The following THADA variants were observed in gnomAD, a reference collection of about 807,000 sequenced individuals.
THADA encodes THADA armadillo repeat containing.
THADA carries 213 observed loss-of-function variants against 219.8 expected under a neutral mutation model. That is an observed-to-expected ratio of 0.97 (90% CI 0.87 to 1.09). The LOEUF (loss-of-function observed/expected upper bound fraction) is 1.09, where lower values mean the gene tolerates loss of function less well. Among genes scored for constraint, THADA ranks in the 50% least tolerant of loss-of-function variants. THADA has a pLI of 0.00. For missense variants in THADA, 2,956 were observed against 2,311.3 expected (o/e 1.28, Z -5.72); for synonymous variants, 1,018 against 828.9 (o/e 1.23, Z -3.92).
intron 31 of THADA, among the ~76,000 whole-genome samples, chr2:43,300,049 A>G (rs975137062): frequency 6.6e-6 from 1 of 150,446 alleles, no homozygotes; most frequent in Non-Finnish European, 1.5e-5. Flanking sequence ...AAAAAAAAAA[A>G]AGCTGACATT....
intron 29 of THADA, among the ~76,000 whole-genome samples, chr2:43,356,671 T>C (rs975694183): frequency 8.5e-5 from 13 of 152,208 alleles, no homozygotes; most frequent in African/African-American, 3.1e-4. Context: ...CCAAAGGAAA[T>C]AGCTAAGAGT....
intron 20 of THADA, among the ~76,000 whole-genome samples, chr2:43,548,915 A>T (rs1696411270): frequency 6.6e-6 from 1 of 152,100 alleles, no homozygotes. Flanking sequence ...AGTGAGATGA[A>T]CCCGGTACCT....
chr2:43,297,508 GC>G (rs1305632999), intron 31 of THADA, among the ~76,000 whole-genome samples: 3 of 95,712 alleles, frequency 3.1e-5, no homozygotes, highest in African/African-American at 1.1e-4. Flanking sequence ...TGGGCGGTCA[GC>G]CCCCCCGCCC....
intron 26 of THADA, among the ~76,000 whole-genome samples, chr2:43,479,164 G>C (rs1209385568): frequency 2.0e-5 from 3 of 152,140 alleles, no homozygotes; most frequent in African/African-American, 7.2e-5. Context: ...ACCTCTTTGA[G>C]AAAATTAACT....
chr2:43,474,774 G>A (rs1403668494), intron 26 of THADA, among the ~76,000 whole-genome samples: 1 of 152,178 alleles, frequency 6.6e-6, no homozygotes, highest in Non-Finnish European at 1.5e-5. Context: ...AAAGAAAGAT[G>A]AAGATGTCTG....
At chr2:43,502,879 A>G (rs371199715) in intron 24 of THADA, among the ~76,000 whole-genome samples, 16 of 152,272 alleles carry the variant, frequency 1.1e-4, no homozygotes, top group African/African-American at 3.4e-4. Flanking sequence ...CCTACAAAAC[A>G]AAAATGAAGG....
At chr2:43,366,078 C>T (rs1670117734) in intron 29 of THADA, among the ~76,000 whole-genome samples, 1 of 152,182 alleles carries the variant, frequency 6.6e-6, no homozygotes, top group African/African-American at 2.4e-5. Context: ...ATCTTTGTGT[C>T]ACCACTAAAC....
chr2:43,293,142 G>C lies in THADA; in HGVS notation c.4510C>G (p.Pro1504Ala). 6.2e-7 allele frequency: 1 copy of C among 1,613,916 alleles called. No individual in the cohort carries two copies. Among genetic ancestry groups the C allele is most frequent in the Non-Finnish European group, 8.5e-7 (1 of 1,179,884 alleles). Reference sequence around the variant, plus strand: ...AGGCCTGGCACCTTGAAGGCCCAAGGGAATCCCGTTATCAGCTCTGATCCT... The same window carrying C: ...AGGCCTGGCACCTTGAAGGCCCAAGCGAATCCCGTTATCAGCTCTGATCCT... ...ISGSELITGF[P>A]WAFKVPGLPQ... Residue 1504 changes from proline (P) to alanine (A), a missense_variant, in exon 32 of 38, where the codon CCT becomes GCT. Pro to Ala is a conservative substitution (Grantham distance 27). Coordinates refer to ENST00000405975, the MANE Select transcript of THADA (RefSeq NM_022065.5).
chr2:43,458,235 C>T (rs547072856), intron 26 of THADA, among the ~76,000 whole-genome samples: 3 of 152,238 alleles, frequency 2.0e-5, no homozygotes, highest in Admixed American at 2.0e-4. Flanking sequence ...GGACAGTCTG[C>T]GTCGTATGTT....
intron 25 of THADA, among the ~76,000 whole-genome samples, chr2:43,487,055 T>C (rs1429262329): frequency 6.6e-6 from 1 of 152,154 alleles, no homozygotes; most frequent in East Asian, 1.9e-4. Flanking sequence ...TTACGTTCAT[T>C]CAACAGCCAT....
chr2:43,479,802 G>A (rs866675103), intron 26 of THADA, among the ~76,000 whole-genome samples: 4 of 152,296 alleles, frequency 2.6e-5, no homozygotes, highest in Middle Eastern at 3.4e-3. Context: ...TGAGAACAGC[G>A]AGGGGCTCAT....
chr2:43,590,159 A>C (rs1701404924), intron 4 of THADA, among the ~76,000 whole-genome samples: 2 of 152,210 alleles, frequency 1.3e-5, no homozygotes, highest in South Asian at 4.1e-4. Context: ...TATTTTGTAT[A>C]GTTCTATATC....
chr2:43,346,954 C>G lies in THADA; in HGVS notation c.4228-2717G>C, dbSNP rs1226448942. On this transcript the variant is annotated intron_variant, in intron 29 of 37. Transcript: ENST00000405975. ...CGATGTTGGTGTTTGGTGCTTCTTC[C>G]TATATTCACTCCTTTAGGACACATT... is the stretch of plus-strand genomic sequence containing the variant. 2.0e-5 allele frequency among the ~76,000 whole-genome samples: 3 copies of G among 152,204 alleles called. No homozygotes were observed. In the East Asian group the frequency reaches 5.8e-4, roughly 29 times the overall value.
chr2:43,501,423 G>T (rs561705492), intron 24 of THADA, among the ~76,000 whole-genome samples: 1 of 150,792 alleles, frequency 6.6e-6, no homozygotes, highest in African/African-American at 2.4e-5. Flanking sequence ...CCATGCTCAT[G>T]GAAGATTCAA....
chr2:43,287,815 G>A (rs1674220821), intron 34 of THADA, among the ~76,000 whole-genome samples: 1 of 152,180 alleles, frequency 6.6e-6, no homozygotes, highest in Admixed American at 6.5e-5. Context: ...TTGCTTTTGG[G>A]AGTAACAGGT....
chr2:43,335,660 T>G (rs35805220), intron 30 of THADA, among the ~76,000 whole-genome samples: 30,619 of 151,930 alleles, frequency 0.2, 3,346 homozygotes, highest in Middle Eastern at 0.26. Context: ...TATTTAAGCT[T>G]CAACTTAAAA....
intron 26 of THADA, among the ~76,000 whole-genome samples, chr2:43,442,687 T>C (rs765053916): frequency 1.2e-4 from 19 of 152,084 alleles, no homozygotes; most frequent in Non-Finnish European, 1.5e-5. Flanking sequence ...AGGAGAGATA[T>C]GTTACAAGAG....
At chr2:43,271,312 T>C (rs555885799) in intron 36 of THADA, among the ~76,000 whole-genome samples, 1 of 151,730 alleles carries the variant, frequency 6.6e-6, no homozygotes, top group South Asian at 2.2e-4. Flanking sequence ...CCTCATCAGC[T>C]GTTTGAATTA....
chr2:43,343,395 C>T (rs1007855898), intron 30 of THADA: 2 of 152,176 alleles, frequency 1.3e-5, no homozygotes, highest in Admixed American at 1.3e-4. Context: ...AACACTAACA[C>T]ATGCGCCTCT....
Sources: allele counts gnomAD v4.1 joint callset (sites outside exome capture counted in the v4.1 genomes callset), GRCh38; gene constraint gnomAD v4.1.1; transcripts MANE v1.5; gene names NCBI Gene and HGNC (gene_info 2026-07-23, HGNC 2026-07-21).